OCA2: variants seen among roughly 807,000 people sequenced by gnomAD.
The protein encoded by OCA2 is P protein.
Under a neutral mutation model 100.2 loss-of-function variants are expected in OCA2, and 77 were observed. The observed-to-expected ratio is 0.77, with a 90% CI of 0.64 to 0.93. The LOEUF is 0.93. Ranked by LOEUF, OCA2 falls within the 40% of genes least tolerant of loss-of-function variation. OCA2 has a pLI of 0.00. For synonymous variants in OCA2, 432 were observed against 439.2 expected, an observed-to-expected ratio of 0.98 and a Z score of 0.21; for missense variants, 1,062 against 1,089.1, an observed-to-expected ratio of 0.98 and a Z score of 0.35.
intron 19 of OCA2, among the ~76,000 whole-genome samples, chr15:27,912,111 G>T (rs1462312183): frequency 3.3e-5 from 5 of 152,170 alleles, no homozygotes. Flanking sequence ...TTGGAATTCA[G>T]GGAATCAATA....
chr15:27,943,442 C>T lies in OCA2; in HGVS notation c.1951+8342G>A, dbSNP rs146690985. Among the ~76,000 whole-genome samples, 19 of 152,208 alleles carry T rather than the reference C, an allele frequency of 1.2e-4. No homozygotes were observed. The East Asian group carries it at 2.9e-3, about 23-fold the overall frequency. On this transcript the variant is annotated intron_variant, in intron 18 of 23. Coordinates refer to ENST00000354638, the MANE Select transcript of OCA2 (RefSeq NM_000275.3). ...GCTTCTTTGACACATTTGGAGATGG[C>T]CTTGCAAAGTTGTCTTTTGTGGGGA...
At chr15:27,825,002 T>G (rs1478977981) in intron 23 of OCA2, among the ~76,000 whole-genome samples, 8 of 152,252 alleles carry the variant, frequency 5.3e-5, no homozygotes, top group Middle Eastern at 3.4e-3. Context: ...GGGAATTAAT[T>G]AGGAACTTAG....
At chr15:27,770,513 C>CGGG in intron 23 of OCA2, among the ~76,000 whole-genome samples, 1 of 120,968 alleles carries the variant, frequency 8.3e-6, no homozygotes, top group Non-Finnish European at 1.8e-5. Context: ...ACCCTCCCCG[C>CGGG]AGGCCGCCGG....
chr15:27,913,891 GAA>G (rs1491244735), intron 19 of OCA2, among the ~76,000 whole-genome samples: 50 of 42,066 alleles, frequency 1.2e-3, no homozygotes, highest in African/African-American at 4.8e-3. Context: ...AAGAAAGAAA[GAA>G]AGCAAGCAAG....
At chr15:28,084,996 A>G (rs554525274) in intron 1 of OCA2, among the ~76,000 whole-genome samples, 1 of 152,178 alleles carries the variant, frequency 6.6e-6, no homozygotes, top group Admixed American at 6.5e-5. Context: ...GCCTGCCTAC[A>G]CTCAAAGGGA....
intron 23 of OCA2, among the ~76,000 whole-genome samples, chr15:27,830,726 A>G (rs558492737): frequency 3.3e-5 from 5 of 152,214 alleles, no homozygotes; most frequent in Non-Finnish European, 7.3e-5. Context: ...GCTTCAAGTC[A>G]TTTCATAGCA....
chr15:28,069,477 G>C (rs1402484594), intron 2 of OCA2, among the ~76,000 whole-genome samples: 1 of 121,310 alleles, frequency 8.2e-6, no homozygotes, highest in South Asian at 3.2e-4. Flanking sequence ...AAGCTGGACT[G>C]TACTGCTGCC....
At chr15:27,844,435 T>C (rs539793391) in intron 23 of OCA2, among the ~76,000 whole-genome samples, 1 of 152,384 alleles carries the variant, frequency 6.6e-6, no homozygotes, top group South Asian at 2.1e-4. Context: ...AAGCCCACAG[T>C]CATTTCCTGG....
intron 19 of OCA2, among the ~76,000 whole-genome samples, chr15:27,878,049 T>C (rs993809879): frequency 2.0e-5 from 3 of 151,610 alleles, no homozygotes; most frequent in Non-Finnish European, 4.4e-5. Context: ...ACTCCGTGAA[T>C]TAAAATATAC....
intron 9 of OCA2, among the ~76,000 whole-genome samples, chr15:28,002,200 TC>T (rs2041949380): frequency 6.6e-6 from 1 of 152,022 alleles, no homozygotes; most frequent in Non-Finnish European, 1.5e-5. Context: ...AGTAGGGGTG[TC>T]CCCCGGGATA....
chr15:28,003,558 A>C (rs2041993826), intron 9 of OCA2, among the ~76,000 whole-genome samples: 1 of 146,860 alleles, frequency 6.8e-6, no homozygotes, highest in South Asian at 2.1e-4. Flanking sequence ...TAGAGTCTGA[A>C]AGCCTGCATT....
intron 17 of OCA2, among the ~76,000 whole-genome samples, chr15:27,954,148 CACACACACACA>C (rs754398388): frequency 1.6e-3 from 236 of 147,226 alleles, no homozygotes; most frequent in Non-Finnish European, 1.9e-3. Context: ...CACACACACA[CACACACACACA>C]CCTAGGGTCA....
chr15:27,907,939 C>T (rs1222892068), intron 19 of OCA2, among the ~76,000 whole-genome samples: 1 of 151,974 alleles, frequency 6.6e-6, no homozygotes, highest in Non-Finnish European at 1.5e-5. Context: ...CCTCAAAAAC[C>T]AGATAGTCAC....
At position 27,926,174 on chromosome 15, in the gene OCA2, C is replaced by T. The variant is rs2039035706; in HGVS notation, c.2032G>A (p.Glu678Lys). Residue 678 changes from glutamate to lysine, a missense_variant, in exon 19 of 24, where the codon GAA becomes AAA. By Grantham distance (56) the Glu-to-Lys change is moderately conservative (BLOSUM62 1). Transcript: ENST00000354638. ...HDFEIILHRV[E>K]WATLLFFAAL... ...GCAAAAAACAGAAGGGTTGCCCATTCCACTCTGTGTAGAATTATCTCAAAA... is the reference window on the plus strand; with the variant it reads ...GCAAAAAACAGAAGGGTTGCCCATTTCACTCTGTGTAGAATTATCTCAAAA... The T allele has an allele frequency of 2.5e-6, 4 of 1,614,140 alleles. No homozygotes were observed. The highest frequency in any genetic ancestry group is 3.4e-6 in the Non-Finnish European group (4 of 1,179,996).
intron 23 of OCA2, among the ~76,000 whole-genome samples, chr15:27,831,081 A>T (rs968781382): frequency 6.6e-6 from 1 of 152,142 alleles, no homozygotes; most frequent in African/African-American, 2.4e-5. Flanking sequence ...AGGTCAGGAG[A>T]TGGAGACCAT....
intron 22 of OCA2, among the ~76,000 whole-genome samples, chr15:27,850,360 C>G (rs2035702930): frequency 6.6e-6 from 1 of 152,198 alleles, no homozygotes; most frequent in South Asian, 2.1e-4. Context: ...GTTACAATGT[C>G]AGGGTATAGC....
chr15:28,076,316 C>T (rs1016333434), intron 2 of OCA2, among the ~76,000 whole-genome samples: 1 of 152,172 alleles, frequency 6.6e-6, no homozygotes, highest in Non-Finnish European at 1.5e-5. Context: ...GATGTAAACG[C>T]TGCCTTAAAT....
intron 23 of OCA2, among the ~76,000 whole-genome samples, chr15:27,797,309 T>C (rs1311986036): frequency 6.6e-6 from 1 of 152,136 alleles, no homozygotes; most frequent in Non-Finnish European, 1.5e-5. Flanking sequence ...TAGTTACCTG[T>C]GTGTATGGCA....
At chr15:27,889,441 C>G (rs948772176) in intron 19 of OCA2, among the ~76,000 whole-genome samples, 1 of 152,172 alleles carries the variant, frequency 6.6e-6, no homozygotes, top group South Asian at 2.1e-4. Context: ...TGAAGAAAGG[C>G]CCCTGGGGCT....
Sources: allele counts gnomAD v4.1 joint callset (sites outside exome capture counted in the v4.1 genomes callset), GRCh38; gene constraint gnomAD v4.1.1; transcripts MANE v1.5; gene names NCBI Gene and HGNC (gene_info 2026-07-23, HGNC 2026-07-21).